Variants in FSTL5 observed in about 807,000 individuals in gnomAD.
The protein encoded by FSTL5 is follistatin-related protein 5.
In FSTL5, 62 loss-of-function variants were observed where a neutral mutation model predicts 89.1. The ratio of observed to expected loss-of-function variants is 0.70; its 90% CI spans 0.57 to 0.86. The LOEUF is 0.86. Among genes scored for constraint, FSTL5 ranks in the 40% least tolerant of loss-of-function variants. The pLI, the probability that FSTL5 is intolerant of heterozygous loss-of-function variation, is 0.00. For synonymous variants in FSTL5, 383 were observed against 346.2 expected (o/e 1.11, Z -1.18); for missense variants, 1,057 against 1,001.6 (o/e 1.06, Z -0.75).
chr4:161,976,771 G>A (rs1271273846), intron 3 of FSTL5, among the ~76,000 whole-genome samples: 3 of 152,084 alleles, frequency 2.0e-5, no homozygotes, highest in East Asian at 1.9e-4. Context: ...GTGAGCCATC[G>A]CGCCTGGCCA....
chr4:161,943,715 C>A (rs1045966489), intron 3 of FSTL5, among the ~76,000 whole-genome samples: 6 of 151,510 alleles, frequency 4.0e-5, no homozygotes, highest in African/African-American at 1.5e-4. Flanking sequence ...ACCACCATGC[C>A]CGGCTAATTT....
At chr4:162,068,972 T>C (rs901952215) in intron 2 of FSTL5, among the ~76,000 whole-genome samples, 15 of 151,742 alleles carry the variant, frequency 9.9e-5, no homozygotes, top group Admixed American at 9.9e-4. Context: ...ATCAGAAAAA[T>C]GGAAATCAAA....
intron 7 of FSTL5, among the ~76,000 whole-genome samples, chr4:161,647,756 C>G (rs1736201520): frequency 6.6e-6 from 1 of 152,078 alleles, no homozygotes; most frequent in Non-Finnish European, 1.5e-5. Context: ...AGGGTATGGT[C>G]CGTGGCTAGG....
At chr4:162,036,468 A>G (rs1213998754) in intron 2 of FSTL5, among the ~76,000 whole-genome samples, 1 of 152,024 alleles carries the variant, frequency 6.6e-6, no homozygotes. Flanking sequence ...CAAGGATTCA[A>G]AGTAGGTAGA....
rs193200321 is a variant in FSTL5, at chr4:161,723,351, T to A, written c.727+36060A>T. ...ATGTATTACCCTTGGTTAAAAAAAT[T>A]AAAAAAAAATCAGTGGACAACTTAG... On this transcript the variant is annotated intron_variant, in intron 6 of 15. Coordinates refer to ENST00000306100, the MANE Select transcript of FSTL5 (RefSeq NM_020116.5). Among the ~76,000 whole-genome samples, 9 of 151,686 alleles carry A rather than the reference T, an allele frequency of 5.9e-5. No homozygotes were observed. The East Asian group carries it at 1.2e-3, about 20-fold the overall frequency.
chr4:161,699,045 T>C (rs1283024752), intron 6 of FSTL5, among the ~76,000 whole-genome samples: 2 of 152,108 alleles, frequency 1.3e-5, no homozygotes, highest in Non-Finnish European at 2.9e-5. Context: ...GCATGAGGCA[T>C]AGAAAAATGA....
chr4:161,543,053 C>A (rs1001288217), intron 8 of FSTL5, among the ~76,000 whole-genome samples: 1 of 150,872 alleles, frequency 6.6e-6, no homozygotes, highest in African/African-American at 2.4e-5. Context: ...TTAGTAATTA[C>A]AAAGGAGTAT....
chr4:162,150,449 T>C (rs957563127), intron 1 of FSTL5, among the ~76,000 whole-genome samples: 1 of 152,198 alleles, frequency 6.6e-6, no homozygotes, highest in African/African-American at 2.4e-5. Context: ...TGAGGTACAA[T>C]AATTGTTCAA....
intron 4 of FSTL5, among the ~76,000 whole-genome samples, chr4:161,873,563 T>C (rs1174671338): frequency 6.9e-6 from 1 of 144,406 alleles, no homozygotes. Context: ...CTTCCTCTCT[T>C]CCTCCATTTT....
Position 161,997,459 on chromosome 4 carries a change from G to A in FSTL5, c.160+36166C>T, listed in dbSNP as rs184217105. Among the ~76,000 whole-genome samples the A allele has an allele frequency of 5.9e-5, 9 of 152,196 alleles. No homozygotes were observed. The South Asian group carries it at 1.4e-3, about 25-fold the overall frequency. ...TATCTTCTCCATATGTACCAATACT[G>A]TCTAAAATAGATTTACTCTATATAT... On this transcript the variant is annotated intron_variant, in intron 3 of 15. Transcript: ENST00000306100.
At chr4:161,935,596 T>G (rs1208471216) in intron 3 of FSTL5, among the ~76,000 whole-genome samples, 2 of 152,138 alleles carry the variant, frequency 1.3e-5, no homozygotes, top group Non-Finnish European at 2.9e-5. Context: ...TTGGCAGGAC[T>G]GTTCATGGAA....
In FSTL5 at chr4:162,009,709, G is replaced by T. The variant is rs531956462; in HGVS notation, c.160+23916C>A. On this transcript the variant is annotated intron_variant, in intron 3 of 15. Coordinates refer to ENST00000306100, the MANE Select transcript of FSTL5 (RefSeq NM_020116.5). The stretch of plus-strand genomic sequence containing the variant: ...GAAAATAATAAAACTGCTATACAAA[G>T]AAAATAAGGATTATTATTTTTCATT... Among the ~76,000 whole-genome samples, 430 of 151,972 alleles carry T rather than the reference G, an allele frequency of 2.8e-3. 6 individuals carry two copies. The highest frequency in any genetic ancestry group is 0.01 in the African/African-American group (415 of 41,498).
chr4:161,539,688 T>A (rs1224789262), intron 9 of FSTL5, among the ~76,000 whole-genome samples: 1 of 151,808 alleles, frequency 6.6e-6, no homozygotes, highest in Non-Finnish European at 1.5e-5. Flanking sequence ...GCAACTGTAT[T>A]CTAAATACAA....
intron 5 of FSTL5, 23 bp from the exon 6 acceptor site, chr4:161,759,554 T>C (rs912418925): frequency 7.0e-7 from 1 of 1,421,198 alleles, no homozygotes; most frequent in Non-Finnish European, 9.5e-7. Context: ...TTATAAACCA[T>C]ACCTTTAGAT....
At position 161,521,848 on chromosome 4, in the gene FSTL5, C is replaced by CAAA. The variant is rs11405532; in HGVS notation, c.1313-11427_1313-11425dup. On this transcript the variant is annotated intron_variant, in intron 10 of 15. Coordinates refer to ENST00000306100, the MANE Select transcript of FSTL5 (RefSeq NM_020116.5). The stretch of plus-strand genomic sequence containing the variant: ...TGGATGACAGAGCAGGACTCCACCT[C>CAAA]AAAAAAAAAAAAAAAAGAAAAAAAA... 2.7e-3 allele frequency among the ~76,000 whole-genome samples: 157 copies of CAAA among 57,824 alleles called. 6 individuals carry two copies. The highest frequency in any genetic ancestry group is 7.5e-3 in the African/African-American group (79 of 10,602). The allele number at this position is 57,824 out of a possible 152,430, so 37.9% of individuals were successfully genotyped here.
At chr4:162,160,423 G>A (rs1180763112) in intron 1 of FSTL5, among the ~76,000 whole-genome samples, 1 of 151,816 alleles carries the variant, frequency 6.6e-6, no homozygotes, top group Non-Finnish European at 1.5e-5. Flanking sequence ...TGAAGCAGAA[G>A]GTGATTAACT....
intron 1 of FSTL5, among the ~76,000 whole-genome samples, chr4:162,114,528 G>T (rs570094165): frequency 3.6e-3 from 242 of 67,488 alleles, no homozygotes; most frequent in African/African-American, 0.011. Context: ...CTTTGTGTGT[G>T]GACACACACA....
intron 6 of FSTL5, among the ~76,000 whole-genome samples, chr4:161,740,123 G>A (rs1332294468): frequency 3.3e-5 from 5 of 151,840 alleles, no homozygotes; most frequent in Admixed American, 2.0e-4. Context: ...GGGTTCAAGC[G>A]ATTTTCCTGC....
intron 3 of FSTL5, among the ~76,000 whole-genome samples, chr4:161,937,934 C>T (rs1403199150): frequency 6.6e-6 from 1 of 152,102 alleles, no homozygotes; most frequent in African/African-American, 2.4e-5. Flanking sequence ...CCTCTGACAT[C>T]ATCTCACCTT....
Sources: allele counts gnomAD v4.1 joint callset (sites outside exome capture counted in the v4.1 genomes callset), GRCh38; gene constraint gnomAD v4.1.1; transcripts MANE v1.5; gene names NCBI Gene and HGNC (gene_info 2026-07-23, HGNC 2026-07-21).